The following SORCS2 variants were observed in gnomAD, a reference collection of about 807,000 sequenced individuals.
SORCS2 encodes the protein sortilin related VPS10 domain containing receptor 2, also known as VPS10 domain-containing receptor SorCS2.
Under a neutral mutation model 141.6 loss-of-function variants are expected in SORCS2, and 100 were observed. That is an observed-to-expected ratio of 0.71 (90% confidence interval 0.60 to 0.83). The LOEUF (loss-of-function observed/expected upper bound fraction) is 0.83. SORCS2 is among the 40% of genes least tolerant of loss of function. The pLI is 0.00. For missense variants in SORCS2, 1,646 were observed against 1,560.2 expected, an observed-to-expected ratio of 1.05 and a Z score of -0.93; for synonymous variants, 789 against 676.9, an observed-to-expected ratio of 1.17 and a Z score of -2.57.
At chr4:7,727,032 G>A (rs2301744) in intron 21 of SORCS2, 129 bp downstream of exon 21, 258,606 of 1,163,280 alleles carry the variant, frequency 0.22, 32,078 homozygotes, top group Admixed American at 0.42. Context: ...TGGGGAGGGA[G>A]GGGCTGGATA....
At chr4:7,250,165 C>G (rs1344958988) in intron 1 of SORCS2, among the ~76,000 whole-genome samples, 1 of 152,104 alleles carries the variant, frequency 6.6e-6, no homozygotes, top group African/African-American at 2.4e-5. Flanking sequence ...TCACTTGAAC[C>G]CGGGAGGCGG....
intron 1 of SORCS2, among the ~76,000 whole-genome samples, chr4:7,327,305 C>T (rs368465737): frequency 3.3e-5 from 5 of 152,326 alleles, no homozygotes; most frequent in Admixed American, 6.5e-5. Flanking sequence ...TCCGGTGGCT[C>T]CTGGCGAGGC....
chr4:7,244,052 C>T lies in SORCS2; in HGVS notation c.480+50926C>T, dbSNP rs1452036904. 8.5e-5 allele frequency among the ~76,000 whole-genome samples: 13 copies of T among 152,286 alleles called. No individual in the cohort carries two copies. In the East Asian group the frequency reaches 1.7e-3, roughly 20 times the overall value. ...AGCGGAGTCACCTCTGTCTCTTTGC[C>T]CCTATTTGTCGTTGACTCACTGCAG... On this transcript the variant is annotated intron_variant, in intron 1 of 26. Transcript: ENST00000507866.
chr4:7,723,732 T>G lies in SORCS2; in HGVS notation c.2460T>G (p.Leu820=), dbSNP rs1210256329. Residue 820 remains leucine (L), a synonymous_variant, in exon 19 of 27, where the codon CTT becomes CTG. Coordinates refer to ENST00000507866, the MANE Select transcript of SORCS2 (RefSeq NM_020777.3). ...TGACTACCAAGTACCAGGTAGACCT[T>G]GGGGACGGCTTCAAGGCCATGTACG... is the stretch of plus-strand genomic sequence containing the variant. ...DVLTTKYQVD[L]GDGFKAMYVN... is the part of the protein sequence containing the mutation. 1.2e-6 allele frequency: 2 copies of G among 1,613,918 alleles called. No individual in the cohort carries two copies. Among genetic ancestry groups the G allele is most frequent in the Non-Finnish European group, 8.5e-7 (1 of 1,179,874 alleles).
intron 3 of SORCS2, among the ~76,000 whole-genome samples, chr4:7,586,848 G>T (rs1162899354): frequency 6.6e-6 from 1 of 152,040 alleles, no homozygotes; most frequent in Non-Finnish European, 1.5e-5. Context: ...ACTCCTCGGA[G>T]ATCAGCCAGA....
intron 12 of SORCS2, among the ~76,000 whole-genome samples, chr4:7,698,593 A>G (rs1204412691): frequency 4.6e-5 from 7 of 152,268 alleles, no homozygotes; most frequent in Admixed American, 6.5e-5. Flanking sequence ...TTCTGATTTT[A>G]TAGAAACGGA....
chr4:7,586,868 T>C (rs1036104226), intron 3 of SORCS2, among the ~76,000 whole-genome samples: 9 of 152,178 alleles, frequency 5.9e-5, no homozygotes, highest in Non-Finnish European at 1.3e-4. Context: ...AGTTTGCATT[T>C]TCTCGAGGTG....
At position 7,422,186 on chromosome 4, in the gene SORCS2, G is replaced by A. The variant is rs74556293; in HGVS notation, c.548+25831G>A. Among the ~76,000 whole-genome samples the A allele has an allele frequency of 6.6e-5, 10 of 152,276 alleles. No individual in the cohort carries two copies. The East Asian group carries it at 1.4e-3, about 21-fold the overall frequency. On this transcript the variant is annotated intron_variant, in intron 2 of 26. Coordinates refer to ENST00000507866, the MANE Select transcript of SORCS2 (RefSeq NM_020777.3). ...TCAGCATGTCAGAACCTGTGCCTCC[G>A]TCACCATCCATTCTCTGACCTTCTC...
At chr4:7,552,135 A>G (rs1226147903) in intron 3 of SORCS2, among the ~76,000 whole-genome samples, 1 of 152,228 alleles carries the variant, frequency 6.6e-6, no homozygotes, top group Non-Finnish European at 1.5e-5. Flanking sequence ...AAGTCCTGCT[A>G]CACTTTGAAC....
At position 7,193,366 on chromosome 4, in the gene SORCS2, C is replaced by T. The variant is rs555598445; in HGVS notation, c.480+240C>T. Among the ~76,000 whole-genome samples the T allele has an allele frequency of 3.8e-3, 579 of 152,310 alleles. 2 individuals are homozygous for T. The highest frequency in any genetic ancestry group is 0.01 in the African/African-American group (425 of 41,580). ...CCGCAGGGGACATTCCCGCAGATTT[C>T]GGGATCCTGGGCCACCTCCGATACT... On this transcript the variant is annotated intron_variant, in intron 1 of 26. Coordinates refer to ENST00000507866, the MANE Select transcript of SORCS2 (RefSeq NM_020777.3). The surrounding 1 kb of genome is among the most constrained non-coding windows in gnomAD (Gnocchi z 4.8).
At chr4:7,535,021 C>G (rs1047473630) in intron 3 of SORCS2, among the ~76,000 whole-genome samples, 1 of 152,190 alleles carries the variant, frequency 6.6e-6, no homozygotes, top group African/African-American at 2.4e-5. Flanking sequence ...ACTGGCCTCC[C>G]GTGGGCCCTC....
intron 1 of SORCS2, among the ~76,000 whole-genome samples, chr4:7,354,083 G>A (rs555348624): frequency 7.2e-5 from 11 of 152,208 alleles, no homozygotes; most frequent in Non-Finnish European, 1.3e-4. Context: ...GTGCCATGTT[G>A]CGAGCATGAG....
chr4:7,646,334 G>C (rs1721076495), intron 4 of SORCS2, among the ~76,000 whole-genome samples: 2 of 152,238 alleles, frequency 1.3e-5, no homozygotes, highest in African/African-American at 4.8e-5. Flanking sequence ...CGTATGGCTG[G>C]ATTGTGTCCC....
chr4:7,711,813 A>G (rs1381893537), intron 14 of SORCS2, among the ~76,000 whole-genome samples: 3 of 152,210 alleles, frequency 2.0e-5, no homozygotes, highest in Non-Finnish European at 2.9e-5. Flanking sequence ...CAGGCTGTGC[A>G]TGCATAGCTT....
intron 3 of SORCS2, among the ~76,000 whole-genome samples, chr4:7,622,785 A>T (rs114722437): frequency 0.039 from 5,938 of 152,208 alleles, 202 homozygotes; most frequent in Non-Finnish European, 0.052. Flanking sequence ...ACCCCTGGGA[A>T]ATCTCCCACT....
intron 3 of SORCS2, among the ~76,000 whole-genome samples, chr4:7,603,527 G>A (rs1717872228): frequency 6.6e-6 from 1 of 151,984 alleles, no homozygotes; most frequent in African/African-American, 2.4e-5. Flanking sequence ...AACAATATTT[G>A]GCTCATTTTC....
intron 2 of SORCS2, among the ~76,000 whole-genome samples, chr4:7,461,693 C>A (rs1015463159): frequency 6.6e-6 from 1 of 152,212 alleles, no homozygotes; most frequent in Non-Finnish European, 1.5e-5. Flanking sequence ...GGCCCTTCCA[C>A]GGTCTGCAGC....
intron 24 of SORCS2, 76 bp downstream of exon 24, chr4:7,733,497 GC>G: frequency 8.1e-7 from 1 of 1,231,080 alleles, no homozygotes; most frequent in Non-Finnish European, 1.1e-6. Flanking sequence ...TCCCTGCAGG[GC>G]CCTCGGGCAG....
intron 2 of SORCS2, among the ~76,000 whole-genome samples, chr4:7,420,286 A>G (rs941578588): frequency 3.9e-5 from 6 of 152,190 alleles, no homozygotes; most frequent in Non-Finnish European, 8.8e-5. Context: ...CCCATCTCCC[A>G]TCTAGGGCTC....
Sources: allele counts gnomAD v4.1 joint callset (sites outside exome capture counted in the v4.1 genomes callset), GRCh38; gene constraint gnomAD v4.1.1; non-coding constraint Gnocchi (gnomAD v3.1); transcripts MANE v1.5; gene names NCBI Gene and HGNC (gene_info 2026-07-23, HGNC 2026-07-21).